Variants in LCOR observed in about 807,000 individuals in gnomAD.
LCOR encodes ligand dependent nuclear receptor corepressor.
LCOR carries 14 observed loss-of-function variants against 64.4 expected under a neutral mutation model. The observed-to-expected ratio is 0.22, with a 90% CI of 0.14 to 0.34. LCOR has a LOEUF of 0.34. Among genes scored for constraint, LCOR ranks in the 10% least tolerant of loss-of-function variants. The pLI, the probability that LCOR is intolerant of heterozygous loss-of-function variation, is 1.00. For synonymous variants in LCOR, 643 were observed against 642.5 expected, an observed-to-expected ratio of 1.00 and a Z score of -0.01; for missense variants, 1,686 against 1,765.3, an observed-to-expected ratio of 0.96 and a Z score of 0.80.
chr10:96,869,227 C>CG (rs773091494), intron 2 of LCOR, among the ~76,000 whole-genome samples: 59 of 151,636 alleles, frequency 3.9e-4, no homozygotes, highest in African/African-American at 1.4e-3. Flanking sequence ...TTTGTTTTGG[C>CG]GGGGGGTCAG....
intron 2 of LCOR, among the ~76,000 whole-genome samples, chr10:96,845,206 G>A (rs1589600778): frequency 6.6e-6 from 1 of 152,068 alleles, no homozygotes; most frequent in Non-Finnish European, 1.5e-5. Context: ...GCAGGCACAG[G>A]AAGACGTTGT....
At chr10:96,874,532 C>A (rs1219711534) in intron 2 of LCOR, among the ~76,000 whole-genome samples, 4 of 152,114 alleles carry the variant, frequency 2.6e-5, no homozygotes, top group Admixed American at 2.0e-4. Flanking sequence ...ACTGACCGAG[C>A]AGTCATAATA....
chr10:96,846,765 A>G (rs1845636985), intron 2 of LCOR, among the ~76,000 whole-genome samples: 1 of 152,186 alleles, frequency 6.6e-6, no homozygotes, highest in Admixed American at 6.6e-5. Context: ...ACATCTACTG[A>G]AAACAGTTTC....
In LCOR at chr10:96,986,505, A is replaced by C. The variant is rs935550337; in HGVS notation, c.*1371A>C. On this transcript the variant is annotated 3_prime_UTR_variant, in exon 8 of 8. Transcript: ENST00000421806. ...ATTGATTAACACCATCCTAGTAGTT[A>C]AATGCTTGTAGTATCACTCCTGCCA... 2 of 152,230 alleles carry C rather than the reference A, an allele frequency of 1.3e-5. No homozygotes were observed. Among genetic ancestry groups the C allele is most frequent in the Non-Finnish European group, 2.9e-5 (2 of 68,046 alleles). The allele number at this position is 152,230 out of a possible 1,614,324, so 9.4% of individuals were successfully genotyped here. A position where few individuals can be genotyped will look rare whatever the true frequency, so the allele number is the denominator to read the frequency against.
intron 2 of LCOR, among the ~76,000 whole-genome samples, chr10:96,893,770 A>G (rs80062479): frequency 6.6e-6 from 1 of 151,922 alleles, no homozygotes; most frequent in Non-Finnish European, 1.5e-5. Context: ...TTCAAAAAAA[A>G]AAAAAAAAGA....
intron 7 of LCOR, among the ~76,000 whole-genome samples, chr10:96,978,391 A>T (rs1345591541): frequency 6.6e-6 from 1 of 152,226 alleles, no homozygotes; most frequent in East Asian, 1.9e-4. Context: ...CACTTTACAG[A>T]TAGAAAAGTA....
intron 4 of LCOR, among the ~76,000 whole-genome samples, chr10:96,912,443 A>G (rs1846854667): frequency 1.3e-5 from 2 of 152,182 alleles, no homozygotes; most frequent in Non-Finnish European, 2.9e-5. Flanking sequence ...CAGTTATCCC[A>G]CTAGTGTCCT....
At chr10:96,955,961 A>T in intron 7 of LCOR, 1 of 1,579,190 alleles carries the variant, frequency 6.3e-7, no homozygotes, top group Admixed American at 1.8e-5. Context: ...AAACTGGGTG[A>T]GCACTACTGC....
intron 2 of LCOR, among the ~76,000 whole-genome samples, chr10:96,851,116 G>A (rs1334314753): frequency 6.6e-6 from 1 of 152,202 alleles, no homozygotes. Flanking sequence ...TGGATCACGA[G>A]GGACATCTTT....
intron 7 of LCOR, chr10:96,962,428 G>A (rs368447713): frequency 7.2e-5 from 11 of 152,212 alleles, no homozygotes; most frequent in African/African-American, 2.4e-4. Flanking sequence ...TCACTGACAT[G>A]CTTTTTACAC....
At position 96,984,571 on chromosome 10, in the gene LCOR, A is replaced by C; in HGVS notation, c.4111A>C (p.Lys1371Gln). The change falls in exon 8 of 8, where the codon AAG becomes CAG. Residue 1371 changes from lysine to glutamine, a missense_variant. By Grantham distance (53) the Lys-to-Gln change is moderately conservative. Coordinates refer to ENST00000421806, the MANE Select transcript of LCOR (RefSeq NM_001346516.2). ...AGTGGATGCAGATGGGTTTCCTGTT[A>C]AGCCCAAGAGTACTGAAGGAATGAA... The part of the protein sequence containing the change: ...LQVDADGFPV[K>Q]PKSTEGMKGR... 6.2e-7 allele frequency: 1 copy of C among 1,614,194 alleles called. No individual in the cohort carries two copies. The highest frequency in any genetic ancestry group is 8.5e-7 in the Non-Finnish European group (1 of 1,180,028).
At chr10:96,973,440 A>G (rs1294344402) in intron 7 of LCOR, among the ~76,000 whole-genome samples, 1 of 152,238 alleles carries the variant, frequency 6.6e-6, no homozygotes, top group Non-Finnish European at 1.5e-5. Flanking sequence ...AGCCAAGAGT[A>G]GATAAATTTC....
intron 4 of LCOR, among the ~76,000 whole-genome samples, chr10:96,942,799 C>G (rs1847517734): frequency 6.6e-6 from 1 of 151,832 alleles, no homozygotes; most frequent in Admixed American, 6.6e-5. Flanking sequence ...TTTCATTGTG[C>G]CAAGATATGT....
chr10:96,944,991 C>A (rs193258802), intron 5 of LCOR, among the ~76,000 whole-genome samples: 24 of 152,206 alleles, frequency 1.6e-4, no homozygotes, highest in Non-Finnish European at 2.8e-4. Context: ...CTTCATGTTC[C>A]TTTCTAGTGA....
intron 2 of LCOR, among the ~76,000 whole-genome samples, chr10:96,891,795 G>A (rs1239075276): frequency 2.0e-5 from 3 of 151,760 alleles, no homozygotes; most frequent in East Asian, 1.9e-4. Flanking sequence ...CACCTGCCTC[G>A]GCCTCCCATA....
intron 7 of LCOR, chr10:96,957,573 T>A (rs999025288): frequency 3.0e-6 from 3 of 985,194 alleles, no homozygotes; most frequent in Non-Finnish European, 2.4e-6. Context: ...TTATTGGAGT[T>A]TCAGTGTAAA....
chr10:96,963,260 C>T (rs1193462902), intron 7 of LCOR: 1 of 152,216 alleles, frequency 6.6e-6, no homozygotes, highest in Non-Finnish European at 1.5e-5. Flanking sequence ...ACTACACACA[C>T]ACACACAAAC....
At chr10:96,958,267 T>C (rs1478261736) in intron 7 of LCOR, 16 of 1,335,664 alleles carry the variant, frequency 1.2e-5, no homozygotes, top group Non-Finnish European at 1.4e-5. Flanking sequence ...AGTTCAACTT[T>C]TGTAGAGTTT....
At chr10:96,835,120 C>T (rs1228542904) in intron 2 of LCOR, among the ~76,000 whole-genome samples, 6 of 152,142 alleles carry the variant, frequency 3.9e-5, no homozygotes, top group Admixed American at 3.3e-4. Flanking sequence ...AGGCTGGTCT[C>T]GAACTCCTGA....
Sources: gnomAD v4.1 joint callset for allele counts (sites outside exome capture counted in the v4.1 genomes callset) on GRCh38, gnomAD v4.1.1 for gene constraint, MANE v1.5 for transcripts, NCBI Gene and HGNC (gene_info 2026-07-23, HGNC 2026-07-21) for gene names.